TANC2: variants seen among roughly 807,000 people sequenced by gnomAD.
TANC2 encodes tetratricopeptide repeat, ankyrin repeat and coiled-coil containing 2, also known as protein TANC2.
A neutral mutation model predicts 210.5 loss-of-function variants in TANC2; 26 were observed. The ratio of observed to expected loss-of-function variants is 0.12; its 90% CI spans 0.09 to 0.17. The LOEUF is 0.17. Among genes scored for constraint, TANC2 ranks in the 10% least tolerant of loss-of-function variants. The pLI, the probability that TANC2 is intolerant of heterozygous loss-of-function variation, is 1.00. For missense variants in TANC2, 2,129 were observed against 2,608.9 expected (o/e 0.82, Z 4.01); for synonymous variants, 931 against 967.1 (o/e 0.96, Z 0.69).
intron 14 of TANC2, among the ~76,000 whole-genome samples, chr17:63,358,386 T>TGTGTGTGTG (rs1158972456): frequency 6.6e-6 from 1 of 150,624 alleles, no homozygotes; most frequent in Non-Finnish European, 1.5e-5. Context: ...AGTATGTGTG[T>TGTGTGTGTG]GTGTGTGTGT....
intron 11 of TANC2, among the ~76,000 whole-genome samples, chr17:63,339,749 C>T (rs2046164571): frequency 6.6e-6 from 1 of 152,116 alleles, no homozygotes. Context: ...CTATACTGCT[C>T]CATGCTGAAT....
At chr17:63,303,730 TC>T in intron 9 of TANC2, among the ~76,000 whole-genome samples, 1 of 152,258 alleles carries the variant, frequency 6.6e-6, no homozygotes, top group African/African-American at 2.4e-5. Context: ...TTTCAGGTAC[TC>T]CAGTCAATCA....
intron 5 of TANC2, among the ~76,000 whole-genome samples, chr17:63,157,097 C>T (rs1317994943): frequency 2.0e-5 from 3 of 152,042 alleles, no homozygotes; most frequent in Admixed American, 6.6e-5. Flanking sequence ...GGAAGGGGAT[C>T]GGGGACAATT....
At chr17:63,000,806 C>G (rs2033338105) in intron 1 of TANC2, among the ~76,000 whole-genome samples, 1 of 152,054 alleles carries the variant, frequency 6.6e-6, no homozygotes, top group South Asian at 2.1e-4. Flanking sequence ...TCCCACTTAG[C>G]TTCAATTTGT....
intron 1 of TANC2, among the ~76,000 whole-genome samples, chr17:62,975,758 A>G (rs1372469889): frequency 6.6e-6 from 1 of 152,104 alleles, no homozygotes; most frequent in Non-Finnish European, 1.5e-5. Flanking sequence ...CACTAATTGT[A>G]TGAGGGGCCA....
intron 12 of TANC2, among the ~76,000 whole-genome samples, chr17:63,342,636 C>G (rs2046272364): frequency 1.3e-5 from 2 of 151,742 alleles, no homozygotes; most frequent in Admixed American, 6.6e-5. Context: ...ATTAGCCGGG[C>G]ATGGTGGCGG....
At chr17:63,171,683 G>T (rs917654059) in intron 5 of TANC2, among the ~76,000 whole-genome samples, 1 of 152,140 alleles carries the variant, frequency 6.6e-6, no homozygotes, top group Non-Finnish European at 1.5e-5. Flanking sequence ...TCTGATGAAT[G>T]TTATCTGATG....
intron 7 of TANC2, among the ~76,000 whole-genome samples, chr17:63,203,874 G>C (rs1052475669): frequency 2.6e-5 from 4 of 152,166 alleles, no homozygotes; most frequent in Non-Finnish European, 5.9e-5. Context: ...ATGTTCCAAG[G>C]AAGGTGTGTG....
intron 1 of TANC2, among the ~76,000 whole-genome samples, chr17:63,007,991 T>G (rs2033698181): frequency 7.4e-6 from 1 of 135,096 alleles, no homozygotes; most frequent in Non-Finnish European, 1.5e-5. Flanking sequence ...GGCGCCAGTT[T>G]TTTTTTTTTT....
intron 11 of TANC2, among the ~76,000 whole-genome samples, chr17:63,337,400 T>A (rs938512510): frequency 1.3e-5 from 2 of 151,766 alleles, no homozygotes; most frequent in South Asian, 2.1e-4. Flanking sequence ...TACAAGAAAA[T>A]CTTGTACCAA....
exon 13 of TANC2, chr17:63,351,392 T>C (rs1364719904): frequency 6.2e-7 from 1 of 1,608,928 alleles, no homozygotes; most frequent in East Asian, 2.2e-5. Context: ...TCAAACTAAT[T>C]GTAACAGTTA....
At chr17:63,270,911 T>A (rs959569898) in intron 9 of TANC2, among the ~76,000 whole-genome samples, 1 of 152,160 alleles carries the variant, frequency 6.6e-6, no homozygotes, top group Non-Finnish European at 1.5e-5. Flanking sequence ...AGTGAGAACA[T>A]GCGGCATTTG....
intron 4 of TANC2, among the ~76,000 whole-genome samples, chr17:63,135,240 A>G (rs2039051176): frequency 6.6e-6 from 1 of 152,152 alleles, no homozygotes; most frequent in African/African-American, 2.4e-5. Context: ...AACCCCACAA[A>G]AACAAGTACA....
chr17:62,970,229 T>G (rs146230679), intron 1 of TANC2, among the ~76,000 whole-genome samples: 227 of 152,338 alleles, frequency 1.5e-3, no homozygotes, highest in Non-Finnish European at 2.2e-3. Flanking sequence ...GATATGGGAA[T>G]TCAATATAAT....
At chr17:63,005,691 A>G (rs771409829) in intron 1 of TANC2, among the ~76,000 whole-genome samples, 11 of 151,972 alleles carry the variant, frequency 7.2e-5, no homozygotes, top group Non-Finnish European at 1.3e-4. Context: ...TTCTGTGTCT[A>G]TGTTCATGAG....
At chr17:63,350,921 A>T (rs527492719) in intron 12 of TANC2, among the ~76,000 whole-genome samples, 7 of 150,664 alleles carry the variant, frequency 4.6e-5, no homozygotes, top group Admixed American at 6.6e-5. Context: ...CAGCTTTTTC[A>T]TGTGTAAGAG....
chr17:63,316,211 T>C (rs8072727), intron 10 of TANC2, among the ~76,000 whole-genome samples: 3,210 of 152,254 alleles, frequency 0.021, 104 homozygotes, highest in African/African-American at 0.072. Context: ...TTCCTTTGAG[T>C]GTTTAAGTAT....
At chr17:63,080,652 G>A (rs905933112) in intron 3 of TANC2, among the ~76,000 whole-genome samples, 2 of 152,156 alleles carry the variant, frequency 1.3e-5, no homozygotes, top group African/African-American at 4.8e-5. Context: ...AAAATATTTA[G>A]TAGAAATGAG....
At chr17:63,170,747 C>T (rs563730947) in intron 5 of TANC2, among the ~76,000 whole-genome samples, 20 of 152,232 alleles carry the variant, frequency 1.3e-4, no homozygotes, top group African/African-American at 4.6e-4. Context: ...GTATTATTAA[C>T]CAGTTGATTA....
Sources: allele counts gnomAD v4.1 joint callset (sites outside exome capture counted in the v4.1 genomes callset), GRCh38; gene constraint gnomAD v4.1.1; transcripts MANE v1.5; gene names NCBI Gene and HGNC (gene_info 2026-07-23, HGNC 2026-07-21).